The following KHDRBS3 variants were observed in gnomAD, a reference collection of about 807,000 sequenced individuals.
KHDRBS3 encodes the protein KH RNA binding domain containing, signal transduction associated 3.
In KHDRBS3, 23 loss-of-function variants were observed where a neutral mutation model predicts 45.6. That is an observed-to-expected ratio of 0.50 (90% CI 0.36 to 0.72). KHDRBS3 has a LOEUF of 0.72. Among genes scored for constraint, KHDRBS3 ranks in the 30% least tolerant of loss-of-function variants. KHDRBS3 has a pLI of 0.00. For synonymous variants in KHDRBS3, 162 were observed against 156.5 expected, an observed-to-expected ratio of 1.04 and a Z score of -0.26; for missense variants, 352 against 424.8, an observed-to-expected ratio of 0.83 and a Z score of 1.51.
intron 6 of KHDRBS3, among the ~76,000 whole-genome samples, chr8:135,592,653 T>C (rs2130968620): frequency 6.6e-6 from 1 of 152,314 alleles, no homozygotes; most frequent in Non-Finnish European, 1.5e-5. Context: ...TCTGAGTTCT[T>C]AGCTGGAATG....
intron 7 of KHDRBS3, among the ~76,000 whole-genome samples, chr8:135,611,127 A>G (rs1470009410): frequency 6.6e-6 from 1 of 151,852 alleles, no homozygotes; most frequent in Non-Finnish European, 1.5e-5. Context: ...CTTTGAAGTG[A>G]TCTTTTCTGT....
At chr8:135,484,533 C>T (rs1183754821) in intron 1 of KHDRBS3, among the ~76,000 whole-genome samples, 1 of 152,238 alleles carries the variant, frequency 6.6e-6, no homozygotes, top group Non-Finnish European at 1.5e-5. Flanking sequence ...GCTCACAACC[C>T]GCCTCTGTGT....
chr8:135,623,150 CT>C (rs1830217819), intron 7 of KHDRBS3, among the ~76,000 whole-genome samples: 1 of 152,174 alleles, frequency 6.6e-6, no homozygotes, highest in South Asian at 2.1e-4. Flanking sequence ...CTCGTGATGT[CT>C]AGTGACAGTA....
chr8:135,587,530 T>A (rs1339269944), intron 6 of KHDRBS3, among the ~76,000 whole-genome samples: 1 of 152,234 alleles, frequency 6.6e-6, no homozygotes, highest in Non-Finnish European at 1.5e-5. Context: ...ACTTTTAACT[T>A]AGTAAAATTA....
At chr8:135,508,682 A>G (rs975276401) in intron 1 of KHDRBS3, among the ~76,000 whole-genome samples, 3 of 152,182 alleles carry the variant, frequency 2.0e-5, no homozygotes, top group African/African-American at 7.2e-5. Flanking sequence ...TTAAGTCATT[A>G]CTAACTTGAA....
At chr8:135,492,551 T>C (rs1309050004) in intron 1 of KHDRBS3, among the ~76,000 whole-genome samples, 1 of 148,892 alleles carries the variant, frequency 6.7e-6, no homozygotes, top group Non-Finnish European at 1.5e-5. Flanking sequence ...TAAAACCATT[T>C]GTTAAATGAA....
At chr8:135,555,085 A>G (rs367682599) in intron 4 of KHDRBS3, among the ~76,000 whole-genome samples, 8 of 152,100 alleles carry the variant, frequency 5.3e-5, no homozygotes, top group Non-Finnish European at 7.4e-5. Flanking sequence ...CACCCAAACT[A>G]TTTCTGATAG....
Position 135,581,900 on chromosome 8 carries a change from C to T in KHDRBS3, c.634C>T (p.Arg212Trp), listed in dbSNP as rs1828228527. Residue 212 changes from arginine to tryptophan, a missense_variant, in exon 6 of 9, where the codon CGG (arginine) becomes TGG (tryptophan). Physicochemically the swap from Arg to Trp is moderately radical, Grantham distance 101. This residue lies in a region of KHDRBS3 where 212 missense variants were observed against 209.6 expected (regional missense o/e 1.01). Transcript: ENST00000355849. ...ITRGRGGVTA[R>W]PVGVVVPRGT... ...CAGGGGAAGGGGAGGAGTTACAGCC[C>T]GGCCAGTTGGAGTTGTAGTACCACG... 1.2e-6 allele frequency: 2 copies of T among 1,601,462 alleles called. No homozygotes were observed. Among genetic ancestry groups the T allele is most frequent in the East Asian group, 2.3e-5 (1 of 44,420 alleles).
chr8:135,613,742 G>A lies in KHDRBS3; in HGVS notation c.890+6705G>A, dbSNP rs1829799269. Among the ~76,000 whole-genome samples the A allele has an allele frequency of 2.0e-5, 3 of 151,638 alleles. No individual in the cohort carries two copies. In the South Asian group the frequency reaches 6.2e-4, roughly 31 times the overall value. On this transcript the variant is annotated intron_variant, in intron 7 of 8. Transcript: ENST00000355849. ...GATGGTCAGTGTCAGTATTTCCTGT[G>A]CACTGAGAGTCGGTAAGGTCAACAG...
intron 1 of KHDRBS3, among the ~76,000 whole-genome samples, chr8:135,464,643 G>GC: frequency 6.6e-6 from 1 of 152,290 alleles, no homozygotes; most frequent in South Asian, 2.1e-4. Context: ...AAATATACTT[G>GC]CCCTGCAGTT....
chr8:135,587,226 A>G (rs1488951309), intron 6 of KHDRBS3, among the ~76,000 whole-genome samples: 1 of 152,214 alleles, frequency 6.6e-6, no homozygotes, highest in East Asian at 1.9e-4. Context: ...ACTGTTCTTC[A>G]TCGGAGTTAC....
At chr8:135,458,426 A>G (rs533862158) in intron 1 of KHDRBS3, 2 of 226,554 alleles carry the variant, frequency 8.8e-6, no homozygotes, top group Admixed American at 1.0e-4. Flanking sequence ...AGGTGCTTGC[A>G]TTGTTAGCGA....
intron 6 of KHDRBS3, among the ~76,000 whole-genome samples, chr8:135,606,573 T>G (rs561861271): frequency 2.0e-5 from 3 of 152,078 alleles, no homozygotes; most frequent in Admixed American, 6.5e-5. Context: ...TGGCTGTTGG[T>G]TTTCAAGGTT....
At chr8:135,642,274 C>G (rs758793288) in intron 7 of KHDRBS3, among the ~76,000 whole-genome samples, 30 of 152,316 alleles carry the variant, frequency 2.0e-4, no homozygotes, top group African/African-American at 6.7e-4. Flanking sequence ...GTGTTCTGAG[C>G]TTTGAGTGTA....
chr8:135,547,050 T>C (rs1826341376), intron 3 of KHDRBS3, among the ~76,000 whole-genome samples: 1 of 152,222 alleles, frequency 6.6e-6, no homozygotes, highest in Non-Finnish European at 1.5e-5. Flanking sequence ...TAATTTGTGC[T>C]TTCAGGGATG....
intron 1 of KHDRBS3, among the ~76,000 whole-genome samples, chr8:135,464,814 A>G (rs1245975225): frequency 6.6e-6 from 1 of 152,242 alleles, no homozygotes; most frequent in Non-Finnish European, 1.5e-5. Flanking sequence ...TAATTTGCCT[A>G]AGAACACATA....
At chr8:135,465,490 A>C (rs568785823) in intron 1 of KHDRBS3, among the ~76,000 whole-genome samples, 4 of 152,316 alleles carry the variant, frequency 2.6e-5, no homozygotes, top group South Asian at 4.1e-4. Context: ...AATCCAGGAA[A>C]TATTGAAGGA....
intron 7 of KHDRBS3, among the ~76,000 whole-genome samples, chr8:135,631,250 CGG>C (rs1830588899): frequency 2.4e-5 from 1 of 42,472 alleles, no homozygotes; most frequent in African/African-American, 8.1e-5. Flanking sequence ...GACTCCGTCT[CGG>C]AAAAAAAAAA....
At chr8:135,623,229 C>T (rs1293240784) in intron 7 of KHDRBS3, among the ~76,000 whole-genome samples, 1 of 152,186 alleles carries the variant, frequency 6.6e-6, no homozygotes, top group African/African-American at 2.4e-5. Context: ...GATCTGTTCT[C>T]TTGTGTGTCT....
Sources: gnomAD v4.1 joint callset for allele counts (sites outside exome capture counted in the v4.1 genomes callset) on GRCh38, gnomAD v4.1.1 for gene constraint, gnomAD v4.1.1 regional missense constraint, MANE v1.5 for transcripts, NCBI Gene and HGNC (gene_info 2026-07-23, HGNC 2026-07-21) for gene names.